MSI2: variants seen among roughly 807,000 people sequenced by gnomAD.
MSI2 encodes musashi RNA binding protein 2, also known as RNA-binding protein Musashi homolog 2.
MSI2 carries 17 observed loss-of-function variants against 45.6 expected under a neutral mutation model. The observed-to-expected ratio is 0.37, with a 90% CI of 0.26 to 0.56. The LOEUF is 0.56. MSI2 is among the 20% of genes least tolerant of loss of function. The probability of loss-of-function intolerance (pLI) is 0.77; values close to 1 mark genes in which losing one functional copy is unlikely to be tolerated. For missense variants in MSI2, 293 were observed against 444.2 expected, an observed-to-expected ratio of 0.66 and a Z score of 3.06; for synonymous variants, 156 against 158.2, an observed-to-expected ratio of 0.99 and a Z score of 0.11.
At chr17:57,536,092 CA>C (rs34048164) in intron 7 of MSI2, among the ~76,000 whole-genome samples, 111,292 of 149,750 alleles carry the variant, frequency 0.74, 41,430 homozygotes, top group Admixed American at 0.8. Flanking sequence ...GTCTATTACT[CA>C]AAAAAAAAAA....
chr17:57,435,482 T>G (rs114654257), intron 6 of MSI2, among the ~76,000 whole-genome samples: 2,162 of 152,274 alleles, frequency 0.014, 54 homozygotes, highest in African/African-American at 0.05. Flanking sequence ...TCAGTGTTTT[T>G]AAAGGTCACT....
intron 6 of MSI2, among the ~76,000 whole-genome samples, 173 bp downstream of exon 6, chr17:57,401,644 G>C (rs1446633361): frequency 1.3e-5 from 2 of 152,208 alleles, no homozygotes; most frequent in Non-Finnish European, 2.9e-5. Context: ...GAAGAGTCTG[G>C]CTTGCATTTG....
At chr17:57,616,175 T>A (rs1055990787) in intron 9 of MSI2, 91 bp downstream of exon 9, 1 of 858,450 alleles carries the variant, frequency 1.2e-6, no homozygotes, top group Non-Finnish European at 1.9e-6. Flanking sequence ...TGGGGCAAAC[T>A]GCTTCACCTT....
At chr17:57,657,247 CA>C (rs1423892326) in intron 11 of MSI2, among the ~76,000 whole-genome samples, 4 of 152,176 alleles carry the variant, frequency 2.6e-5, no homozygotes, top group Admixed American at 2.6e-4. Context: ...AGTCTGCCAC[CA>C]AACAGGATGA....
At chr17:57,597,033 C>A in intron 8 of MSI2, 83 bp downstream of exon 8, 4 of 1,035,724 alleles carry the variant, frequency 3.9e-6, no homozygotes, top group Non-Finnish European at 6.0e-6. Context: ...TCCAGCCCAT[C>A]ATCAGGCTGG....
chr17:57,685,860 CAT>C (rs1567979649), downstream of MSI2, among the ~76,000 whole-genome samples: 3 of 152,230 alleles, frequency 2.0e-5, no homozygotes, highest in South Asian at 6.2e-4. Context: ...GAGCCAGACA[CAT>C]GAGGCCGGCC....
intron 5 of MSI2, among the ~76,000 whole-genome samples, chr17:57,357,216 C>G (rs1055571362): frequency 1.3e-5 from 2 of 152,174 alleles, no homozygotes; most frequent in South Asian, 4.1e-4. Context: ...AACTGCCTCT[C>G]GGGGCAGCCA....
intron 6 of MSI2, among the ~76,000 whole-genome samples, chr17:57,469,043 C>T (rs917616737): frequency 1.3e-5 from 2 of 152,170 alleles, no homozygotes; most frequent in Admixed American, 6.5e-5. Flanking sequence ...CTCTCACCTT[C>T]GTTTCTGCCC....
intron 5 of MSI2, among the ~76,000 whole-genome samples, chr17:57,391,851 T>C (rs1026610493): frequency 6.6e-6 from 1 of 152,178 alleles, no homozygotes; most frequent in Non-Finnish European, 1.5e-5. Flanking sequence ...ACAGTGAAGG[T>C]TTCTTACTTA....
the MSI2 span, among the ~76,000 whole-genome samples, chr17:57,690,292 C>T: frequency 2.6e-5 from 4 of 151,822 alleles, no homozygotes; most frequent in South Asian, 8.3e-4. Context: ...TGATGAAGTA[C>T]TTGCTCAAAT....
intron 6 of MSI2, among the ~76,000 whole-genome samples, chr17:57,504,623 G>A (rs1041284061): frequency 6.6e-6 from 1 of 152,174 alleles, no homozygotes; most frequent in Non-Finnish European, 1.5e-5. Flanking sequence ...ACAAGGTTCT[G>A]AAGCAAAGAG....
intron 6 of MSI2, among the ~76,000 whole-genome samples, chr17:57,459,742 C>T (rs58471023): frequency 0.033 from 5,022 of 152,192 alleles, 157 homozygotes; most frequent in East Asian, 0.14. Flanking sequence ...GCCTCTAATC[C>T]TAGCACTTTA....
chr17:57,571,771 G>A (rs922237619), intron 7 of MSI2, among the ~76,000 whole-genome samples: 4 of 152,196 alleles, frequency 2.6e-5, no homozygotes, highest in African/African-American at 9.7e-5. Context: ...ACACTCCTCT[G>A]TTCTTTTCCT....
chr17:57,631,494 T>C (rs925872543), intron 10 of MSI2: 36 of 337,166 alleles, frequency 1.1e-4, no homozygotes, highest in Admixed American at 2.4e-4. Flanking sequence ...CACCTGGCTG[T>C]GCCCATCTTC....
At chr17:57,522,658 A>G (rs982795869) in intron 6 of MSI2, 1 of 152,154 alleles carries the variant, frequency 6.6e-6, no homozygotes, top group African/African-American at 2.4e-5. Context: ...CTTAGGGGCC[A>G]TCTCATAGAA....
intron 6 of MSI2, among the ~76,000 whole-genome samples, chr17:57,501,061 C>T (rs567252450): frequency 4.6e-5 from 7 of 152,204 alleles, no homozygotes; most frequent in East Asian, 1.9e-4. Flanking sequence ...TCTGTCACAC[C>T]GTCTCATTTC....
At chr17:57,492,061 T>G (rs989506888) in intron 6 of MSI2, among the ~76,000 whole-genome samples, 3 of 152,252 alleles carry the variant, frequency 2.0e-5, no homozygotes, top group African/African-American at 7.2e-5. Flanking sequence ...ACAGATTTGC[T>G]GCCTGGAGTT....
chr17:57,323,849 T>G (rs1411179291), intron 5 of MSI2, among the ~76,000 whole-genome samples: 1 of 152,212 alleles, frequency 6.6e-6, no homozygotes, highest in African/African-American at 2.4e-5. Context: ...ACGAACTCAT[T>G]ATTTCCCCAT....
intron 7 of MSI2, among the ~76,000 whole-genome samples, chr17:57,530,843 G>A (rs1187810636): frequency 6.6e-6 from 1 of 152,064 alleles, no homozygotes; most frequent in African/African-American, 2.4e-5. Context: ...GAAGGAGGGG[G>A]ATATCCTGAG....
Sources: allele counts gnomAD v4.1 joint callset (sites outside exome capture counted in the v4.1 genomes callset), GRCh38; gene constraint gnomAD v4.1.1; transcripts MANE v1.5; gene names NCBI Gene and HGNC (gene_info 2026-07-23, HGNC 2026-07-21).